Variants in PAXIP1 observed in about 807,000 individuals in gnomAD.
PAXIP1 encodes the protein PAX-interacting protein 1.
In PAXIP1, 19 loss-of-function variants were observed where a neutral mutation model predicts 140.6. The ratio of observed to expected loss-of-function variants is 0.14; its 90% CI spans 0.09 to 0.20. The LOEUF (loss-of-function observed/expected upper bound fraction) is 0.20, where lower values mean the gene tolerates loss of function less well. Ranked by LOEUF, PAXIP1 falls within the 10% of genes least tolerant of loss-of-function variation. The pLI is 1.00. For synonymous variants in PAXIP1, 442 were observed against 444.6 expected, an observed-to-expected ratio of 0.99 and a Z score of 0.07; for missense variants, 920 against 1,208.6, an observed-to-expected ratio of 0.76 and a Z score of 3.54.
intron 4 of PAXIP1, among the ~76,000 whole-genome samples, chr7:154,988,228 T>C (rs1198033018): frequency 6.6e-6 from 1 of 152,188 alleles, no homozygotes; most frequent in Non-Finnish European, 1.5e-5. Context: ...CACCTTGCTC[T>C]ATGCAGAATG....
chr7:154,969,437 G>A (rs1267248998), intron 6 of PAXIP1, among the ~76,000 whole-genome samples: 1 of 152,234 alleles, frequency 6.6e-6, no homozygotes, highest in East Asian at 1.9e-4. Context: ...CAGGGCATGG[G>A]AGTCCTGTGC....
Position 154,946,631 on chromosome 7 carries a change from G to A in PAXIP1, c.3058-44C>T, listed in dbSNP as rs1807990495. 1 of 1,613,350 alleles carries A rather than the reference G, an allele frequency of 6.2e-7. No homozygotes were observed. Among genetic ancestry groups the A allele is most frequent in the Non-Finnish European group, 8.5e-7 (1 of 1,179,386 alleles). On this transcript the variant is annotated intron_variant, in intron 18 of 20. Coordinates refer to ENST00000404141, the MANE Select transcript of PAXIP1 (RefSeq NM_007349.4). This position sits in a 1 kb window ranked among gnomAD's most constrained non-coding sequence, Gnocchi z 4.9. ...GTTTCTCAGTGACCGAACGCTGAAT[G>A]TGATACAGGGCAATGACGGACTCGC...
Position 154,998,615 on chromosome 7 carries a change from G to A in PAXIP1, c.216+35C>T, listed in dbSNP as rs1248197741. 20 of 1,583,298 alleles carry A rather than the reference G, an allele frequency of 1.3e-5. No homozygotes were observed. In the Admixed American group the frequency reaches 2.7e-4, roughly 22 times the overall value. On this transcript the variant is annotated intron_variant, in intron 2 of 20. Transcript: ENST00000404141. The stretch of plus-strand genomic sequence containing the variant: ...AATGTACTGCTTGCAAGATACTGAG[G>A]AAAAGATATAAAACAAATTATGTTT...
intron 4 of PAXIP1, among the ~76,000 whole-genome samples, chr7:154,988,853 G>A (rs1414306931): frequency 1.3e-5 from 2 of 152,146 alleles, no homozygotes; most frequent in Admixed American, 1.3e-4. Context: ...AGTACATTGT[G>A]TTTATACATA....
At chr7:154,966,619 G>A (rs550518438) in intron 8 of PAXIP1, among the ~76,000 whole-genome samples, 8 of 152,050 alleles carry the variant, frequency 5.3e-5, no homozygotes, top group Non-Finnish European at 1.0e-4. Flanking sequence ...TGCTGCCTTC[G>A]AACACTTCTG....
rs138456363 is a variant in PAXIP1, at chr7:154,955,123, C to T, written c.2652+406G>A. Among the ~76,000 whole-genome samples the T allele has an allele frequency of 2.6e-4, 40 of 152,300 alleles. No homozygotes were observed. The East Asian group carries it at 7.5e-3, about 29-fold the overall frequency. ...TGCCCATTTATCATCTAAACAAATA[C>T]ACAAACTCCTTTTTGGCCTCACTCT... On this transcript the variant is annotated intron_variant, in intron 15 of 20. Coordinates refer to ENST00000404141, the MANE Select transcript of PAXIP1 (RefSeq NM_007349.4).
intron 2 of PAXIP1, among the ~76,000 whole-genome samples, chr7:154,995,947 A>C (rs1171157896): frequency 6.6e-6 from 1 of 152,276 alleles, no homozygotes; most frequent in Admixed American, 6.5e-5. Context: ...TAATTTTAAA[A>C]GTTTTGGTGC....
intron 12 of PAXIP1, among the ~76,000 whole-genome samples, chr7:154,960,250 T>C (rs1808701094): frequency 6.6e-6 from 1 of 152,172 alleles, no homozygotes; most frequent in Admixed American, 6.5e-5. Context: ...TACACATTTC[T>C]AGGCCTGTGT....
At chr7:154,955,004 A>G (rs1346266922) in intron 15 of PAXIP1, among the ~76,000 whole-genome samples, 14 of 152,220 alleles carry the variant, frequency 9.2e-5, no homozygotes, top group Non-Finnish European at 2.9e-5. Flanking sequence ...AATACAGGTC[A>G]ACTTATACTC....
chr7:154,969,406 C>T (rs542184879), intron 6 of PAXIP1, among the ~76,000 whole-genome samples: 5 of 152,352 alleles, frequency 3.3e-5, no homozygotes, highest in East Asian at 1.9e-4. Flanking sequence ...AAGACTCAGA[C>T]GGCTGATGTG....
intron 1 of PAXIP1, chr7:155,001,789 C>T (rs1810909918): frequency 6.6e-6 from 1 of 152,244 alleles, no homozygotes; most frequent in Non-Finnish European, 1.5e-5. Context: ...TAAACCCGGC[C>T]TTGAAGTCTC....
intron 7 of PAXIP1, 118 bp from the exon 8 acceptor site, chr7:154,968,028 C>T (rs571344132): frequency 5.3e-5 from 34 of 644,398 alleles, no homozygotes; most frequent in South Asian, 5.1e-4. Context: ...TTGACCATGA[C>T]GTATCTGCCA....
At position 154,969,041 on chromosome 7, in the gene PAXIP1, A is replaced by T. The variant is rs193253138; in HGVS notation, c.1160T>A (p.Val387Glu). 9 of 1,544,944 alleles carry T rather than the reference A, an allele frequency of 5.8e-6. No homozygotes were observed. In the East Asian group the frequency reaches 2.2e-4, roughly 38 times the overall value. ...AGTCACTTTCACTTGGCTAAACAGC[A>T]CTGCATTGGCATTTGTATGTCCCTG... is the stretch of plus-strand genomic sequence containing the variant. The part of the protein sequence containing the change: ...SQQGHTNANA[V>E]LFSQVKVTPE... The change falls in exon 7 of 21, where the codon GTG (valine) becomes GAG (glutamate). Residue 387 changes from valine (V) to glutamate (E), a missense_variant. Around this residue, in one of 5 missense-constraint regions of PAXIP1, gnomAD observed 419 missense variants for 514.7 expected, o/e 0.81. Coordinates refer to ENST00000404141, the MANE Select transcript of PAXIP1 (RefSeq NM_007349.4).
chr7:154,990,484 TCCA>T (rs1810281039), intron 4 of PAXIP1, among the ~76,000 whole-genome samples: 2 of 152,312 alleles, frequency 1.3e-5, no homozygotes, highest in South Asian at 4.1e-4. Flanking sequence ...CCTCAGCATC[TCCA>T]CCAACACTGA....
In PAXIP1 at chr7:154,986,184, C is replaced by T. The variant is rs1219696481; in HGVS notation, c.325-2852G>A. 3 of 1,358,188 alleles carry T rather than the reference C, an allele frequency of 2.2e-6. No homozygotes were observed. The highest frequency in any genetic ancestry group is 2.9e-6 in the Non-Finnish European group (3 of 1,018,674). 84.1% of individuals were successfully genotyped at this position (1,358,188 alleles called of 1,614,324 possible). Reference sequence around the variant, plus strand: ...GCTCCAGCTTGTATCAACACCCTGACGGGGAAAAGACAGAAGGTCACTGAG... The same window carrying T: ...GCTCCAGCTTGTATCAACACCCTGATGGGGAAAAGACAGAAGGTCACTGAG... On this transcript the variant is annotated intron_variant, in intron 4 of 20. Transcript: ENST00000404141. This position sits in a 1 kb window ranked among gnomAD's most constrained non-coding sequence, Gnocchi z 4.8.
At chr7:154,992,984 G>T (rs1810418966) in intron 3 of PAXIP1, among the ~76,000 whole-genome samples, 1 of 152,200 alleles carries the variant, frequency 6.6e-6, no homozygotes, top group Non-Finnish European at 1.5e-5. Flanking sequence ...ATAATCTCTT[G>T]CCAGGTCTAA....
At chr7:154,955,661 T>G in intron 14 of PAXIP1, 30 bp from the exon 15 acceptor site, 1 of 1,194,038 alleles carries the variant, frequency 8.4e-7, no homozygotes, top group Non-Finnish European at 1.2e-6. Flanking sequence ...AAAATAGTAG[T>G]GATTTCATAT....
Position 154,973,538 on chromosome 7 carries a change from A to G in PAXIP1, c.1074+2158T>C, listed in dbSNP as rs1809429600. Reference sequence around the variant, plus strand: ...CCATCTTAACTGTCTGCTGTCTAACATCTAAAGGGCATGTTTGCCTCTATC... The same window carrying G: ...CCATCTTAACTGTCTGCTGTCTAACGTCTAAAGGGCATGTTTGCCTCTATC... On this transcript the variant is annotated intron_variant, in intron 6 of 20. Transcript: ENST00000404141. The surrounding 1 kb of genome is among the most constrained non-coding windows in gnomAD (Gnocchi z 4.0). 6.6e-6 allele frequency among the ~76,000 whole-genome samples: 1 copy of G among 152,090 alleles called. No individual in the cohort carries two copies. The highest frequency in any genetic ancestry group is 1.5e-5 in the Non-Finnish European group (1 of 68,022).
Position 154,986,219 on chromosome 7 carries a change from GA to G in PAXIP1, c.325-2888del, listed in dbSNP as rs1443858730. 1.7e-5 allele frequency: 23 copies of G among 1,325,574 alleles called. No individual in the cohort carries two copies. The highest frequency in any genetic ancestry group is 2.0e-5 in the Non-Finnish European group (20 of 1,003,404). 82.1% of individuals were successfully genotyped at this position (1,325,574 alleles called of 1,614,324 possible). A position where few individuals can be genotyped will look rare whatever the true frequency, so the allele number is the denominator to read the frequency against. Reference sequence around the variant, plus strand: ...ACAGAAGGTCACTGAGAACCACCAAGAAACAGTCCTTTTGTAAAGCTGGGGT... The same window carrying G: ...ACAGAAGGTCACTGAGAACCACCAAGAACAGTCCTTTTGTAAAGCTGGGGT... On this transcript the variant is annotated intron_variant, in intron 4 of 20. Transcript: ENST00000404141. This position sits in a 1 kb window ranked among gnomAD's most constrained non-coding sequence, Gnocchi z 4.8.
Sources: allele counts gnomAD v4.1 joint callset (sites outside exome capture counted in the v4.1 genomes callset), GRCh38; gene constraint gnomAD v4.1.1; regional missense constraint gnomAD v4.1.1; non-coding constraint Gnocchi (gnomAD v3.1); transcripts MANE v1.5; gene names NCBI Gene and HGNC (gene_info 2026-07-23, HGNC 2026-07-21).